The following SGCD variants were observed in gnomAD, a reference collection of about 807,000 sequenced individuals.
SGCD encodes the protein delta-sarcoglycan.
In SGCD, 18 loss-of-function variants were observed where a neutral mutation model predicts 36.6. That is an observed-to-expected ratio of 0.49 (90% CI 0.34 to 0.73). SGCD has a LOEUF of 0.73. SGCD is among the 30% of genes least tolerant of loss of function. The pLI, the probability that SGCD is intolerant of heterozygous loss-of-function variation, is 0.01. For synonymous variants in SGCD, 133 were observed against 130.6 expected, an observed-to-expected ratio of 1.02 and a Z score of -0.12; for missense variants, 387 against 346.7, an observed-to-expected ratio of 1.12 and a Z score of -0.92.
chr5:156,348,984 A>G (rs1391008838), intron 3 of SGCD, among the ~76,000 whole-genome samples: 1 of 152,164 alleles, frequency 6.6e-6, no homozygotes, highest in Non-Finnish European at 1.5e-5. Context: ...CAAAGTATAC[A>G]AAAACATAAA....
At chr5:156,673,517 G>A (rs987625520) in intron 7 of SGCD, among the ~76,000 whole-genome samples, 11 of 152,052 alleles carry the variant, frequency 7.2e-5, no homozygotes, top group Admixed American at 2.6e-4. Flanking sequence ...TATTCACAAC[G>A]GAAGATGAGT....
chr5:156,144,317 A>C (rs1344815598), intron 3 of SGCD, among the ~76,000 whole-genome samples: 2 of 151,968 alleles, frequency 1.3e-5, no homozygotes, highest in Non-Finnish European at 2.9e-5. Flanking sequence ...CGCCACACTG[A>C]CTTCCACAAT....
In SGCD at chr5:155,957,225, G is replaced by C. The variant is rs576270103; in HGVS notation, c.-282+86801G>C. ...GAAGTGGGGAAGTCTGCGTAGTGAA[G>C]GTTGTAATGCGCTGCTCAGATCCCC... On this transcript the variant is annotated intron_variant, in intron 1 of 9. Coordinates refer to the SGCD transcript ENST00000517913. 5.3e-5 allele frequency among the ~76,000 whole-genome samples: 8 copies of C among 152,186 alleles called. No individual in the cohort carries two copies. In the East Asian group the frequency reaches 1.4e-3, roughly 26 times the overall value.
chr5:156,393,328 G>T (rs1475676261), intron 3 of SGCD, among the ~76,000 whole-genome samples: 2 of 152,184 alleles, frequency 1.3e-5, no homozygotes, highest in African/African-American at 4.8e-5. Context: ...GTGGTACAGT[G>T]AAGCCAGCTC....
intron 1 of SGCD, among the ~76,000 whole-genome samples, chr5:155,949,187 A>G (rs540591935): frequency 6.6e-6 from 1 of 152,180 alleles, no homozygotes; most frequent in East Asian, 1.9e-4. Context: ...ATTTAAACCA[A>G]TATCCCTTTT....
At chr5:155,968,785 C>T (rs970124820) in intron 1 of SGCD, among the ~76,000 whole-genome samples, 14 of 152,022 alleles carry the variant, frequency 9.2e-5, no homozygotes, top group African/African-American at 3.4e-4. Context: ...ATCCCCATCC[C>T]CCAATGTAGT....
chr5:156,502,151 A>G (rs990323539), intron 3 of SGCD, among the ~76,000 whole-genome samples: 1 of 150,366 alleles, frequency 6.7e-6, no homozygotes, highest in African/African-American at 2.5e-5. Flanking sequence ...TGTTCACGCC[A>G]TTCTCCTGCC....
At chr5:156,300,866 C>A (rs1767035270) in intron 3 of SGCD, among the ~76,000 whole-genome samples, 1 of 151,870 alleles carries the variant, frequency 6.6e-6, no homozygotes, top group African/African-American at 2.4e-5. Flanking sequence ...ATTATATAAT[C>A]TTTGTCTTTT....
intron 7 of SGCD, 60 bp from the exon 8 acceptor site, chr5:156,757,521 C>T: frequency 9.2e-7 from 1 of 1,082,686 alleles, no homozygotes; most frequent in African/African-American, 1.6e-5. Context: ...GCATGAACTT[C>T]CTTTTGTATT....
chr5:156,545,875 T>C (rs935645177), intron 4 of SGCD, among the ~76,000 whole-genome samples: 1 of 152,132 alleles, frequency 6.6e-6, no homozygotes, highest in East Asian at 1.9e-4. Context: ...ACAAAATAAA[T>C]GGAGTAGAGA....
At chr5:156,543,103 G>A (rs1409371981) in intron 4 of SGCD, among the ~76,000 whole-genome samples, 1 of 152,174 alleles carries the variant, frequency 6.6e-6, no homozygotes, top group Non-Finnish European at 1.5e-5. Context: ...AGATGTAATA[G>A]CTTGGCTGGT....
chr5:156,132,828 C>G (rs1762361737), intron 3 of SGCD, among the ~76,000 whole-genome samples: 1 of 152,172 alleles, frequency 6.6e-6, no homozygotes, highest in Non-Finnish European at 1.5e-5. Flanking sequence ...CTGAATTTCT[C>G]TGAAAATTCA....
upstream of SGCD, among the ~76,000 whole-genome samples, chr5:156,326,526 G>A (rs1305250024): frequency 2.6e-5 from 4 of 152,172 alleles, no homozygotes; most frequent in East Asian, 3.8e-4. Context: ...GGACAGCTCC[G>A]AAGAACTGTA....
chr5:155,976,562 A>C (rs565639679), intron 1 of SGCD, among the ~76,000 whole-genome samples: 1 of 152,202 alleles, frequency 6.6e-6, no homozygotes, highest in African/African-American at 2.4e-5. Flanking sequence ...GAGTCTTTCA[A>C]ATAATCTCAC....
At chr5:156,280,633 C>G (rs1766430038) in intron 3 of SGCD, among the ~76,000 whole-genome samples, 1 of 152,154 alleles carries the variant, frequency 6.6e-6, no homozygotes. Flanking sequence ...TGGATATTTA[C>G]AGTTGGATGA....
intron 7 of SGCD, among the ~76,000 whole-genome samples, chr5:156,752,380 A>G (rs1244513258): frequency 6.6e-6 from 1 of 152,086 alleles, no homozygotes. Flanking sequence ...ATTATACAAA[A>G]CCATTGTCAT....
intron 3 of SGCD, among the ~76,000 whole-genome samples, chr5:156,225,568 TCAG>T (rs1764833706): frequency 1.3e-5 from 2 of 152,150 alleles, no homozygotes; most frequent in Admixed American, 1.3e-4. Context: ...GGCCACTTAG[TCAG>T]CATCCTTAAG....
chr5:156,403,900 C>A (rs1772283474), intron 3 of SGCD, among the ~76,000 whole-genome samples: 1 of 151,176 alleles, frequency 6.6e-6, no homozygotes, highest in African/African-American at 2.4e-5. Context: ...AGTGTGCGAT[C>A]TTGGCTCACT....
chr5:156,547,395 A>G (rs1328112345), intron 4 of SGCD, among the ~76,000 whole-genome samples: 2 of 152,134 alleles, frequency 1.3e-5, no homozygotes, highest in Non-Finnish European at 2.9e-5. Flanking sequence ...GATGTTCTGT[A>G]AAGAGGAATT....
Sources: gnomAD v4.1 joint callset for allele counts (sites outside exome capture counted in the v4.1 genomes callset) on GRCh38, gnomAD v4.1.1 for gene constraint, MANE v1.5 for transcripts, NCBI Gene and HGNC (gene_info 2026-07-23, HGNC 2026-07-21) for gene names.